The following FKBP9 variants were observed in gnomAD, a reference collection of about 807,000 sequenced individuals.
FKBP9 encodes peptidyl-prolyl cis-trans isomerase FKBP9.
FKBP9 carries 27 observed loss-of-function variants against 55.6 expected under a neutral mutation model. The ratio of observed to expected loss-of-function variants is 0.49; its 90% CI spans 0.36 to 0.67. FKBP9 has a LOEUF of 0.67. FKBP9 is among the 30% of genes least tolerant of loss of function. FKBP9 has a pLI of 0.00. For synonymous variants in FKBP9, 267 were observed against 296.5 expected, an observed-to-expected ratio of 0.90 and a Z score of 1.02; for missense variants, 539 against 742.8, an observed-to-expected ratio of 0.73 and a Z score of 3.19.
intron 7 of FKBP9, among the ~76,000 whole-genome samples, chr7:32,997,481 T>C (rs1784841543): frequency 6.6e-6 from 1 of 152,160 alleles, no homozygotes; most frequent in Non-Finnish European, 1.5e-5. Context: ...CCTCCCAAAG[T>C]GCTGGAGTTA....
intron 4 of FKBP9, chr7:32,979,424 G>C (rs1224021927): frequency 9.4e-7 from 1 of 1,060,296 alleles, no homozygotes; most frequent in African/African-American, 1.6e-5. Context: ...GCATTCCAGG[G>C]GCTGACTCAG....
rs1184092677 is a variant in FKBP9, at chr7:33,006,634, TG to T, written c.*1285del. On this transcript the variant is annotated 3_prime_UTR_variant, in exon 10 of 10. Coordinates refer to ENST00000242209, the MANE Select transcript of FKBP9 (RefSeq NM_007270.5). Reference sequence around the variant, plus strand: ...CTGCCCATTTGTGTCCTGGAGACGGTGGTACCCTGAAGGCAGAGGCCAGCTG... The same window carrying T: ...CTGCCCATTTGTGTCCTGGAGACGGTGTACCCTGAAGGCAGAGGCCAGCTG... 4.7e-6 allele frequency: 1 copy of T among 214,124 alleles called. No homozygotes were observed. Among genetic ancestry groups the T allele is most frequent in the Non-Finnish European group, 9.4e-6 (1 of 105,854 alleles). The allele number at this position is 214,124 out of a possible 1,614,324, so 13.3% of individuals were successfully genotyped here. A position where few individuals can be genotyped will look rare whatever the true frequency, so the allele number is the denominator to read the frequency against.
At chr7:32,984,773 C>A (rs1250034448) in intron 5 of FKBP9, among the ~76,000 whole-genome samples, 1 of 152,180 alleles carries the variant, frequency 6.6e-6, no homozygotes, top group Non-Finnish European at 1.5e-5. Context: ...AAGGATTTAA[C>A]TTTATTTTTT....
chr7:32,974,958 G>A, intron 2 of FKBP9, 196 bp downstream of exon 2: 1 of 642,962 alleles, frequency 1.6e-6, no homozygotes, highest in Non-Finnish European at 2.7e-6. Context: ...CATTAACACA[G>A]ATGTACTGAA....
intron 4 of FKBP9, among the ~76,000 whole-genome samples, chr7:32,977,870 C>CATAT (rs748298046): frequency 0.031 from 3,855 of 124,528 alleles, 105 homozygotes; most frequent in Middle Eastern, 0.058. Flanking sequence ...TATACATGCC[C>CATAT]ATATATATAT....
In FKBP9 at chr7:32,980,220, G is replaced by A; in HGVS notation, c.704-144G>A. ...CAGCCCATGGTTGGACACCATGGGG[G>A]CCCATTCAAGACCTGGAAGAACATT... On this transcript the variant is annotated intron_variant, in intron 4 of 9. Coordinates refer to ENST00000242209, the MANE Select transcript of FKBP9 (RefSeq NM_007270.5). 3 of 652,556 alleles carry A rather than the reference G, an allele frequency of 4.6e-6. No individual in the cohort carries two copies. The South Asian group carries it at 6.7e-5, about 15-fold the overall frequency. 40.4% of individuals were successfully genotyped at this position (652,556 alleles called of 1,614,324 possible).
intron 1 of FKBP9, among the ~76,000 whole-genome samples, chr7:32,970,299 C>T (rs914186172): frequency 1.5e-4 from 23 of 152,140 alleles, no homozygotes; most frequent in Non-Finnish European, 3.1e-4. Context: ...CAAGTTCAAG[C>T]GATTCTCCTG....
At chr7:32,992,542 G>T (rs1314830312) in intron 6 of FKBP9, among the ~76,000 whole-genome samples, 1 of 152,242 alleles carries the variant, frequency 6.6e-6, no homozygotes, top group Non-Finnish European at 1.5e-5. Flanking sequence ...AGAGGAGGTT[G>T]GTGTTGGAGC....
Position 32,957,492 on chromosome 7 carries a change from T to A in FKBP9, c.-82T>A. 9.0e-7 allele frequency: 1 copy of A among 1,107,500 alleles called. No individual in the cohort carries two copies. The highest frequency in any genetic ancestry group is 1.2e-6 in the Non-Finnish European group (1 of 844,146). 68.6% of individuals were successfully genotyped at this position (1,107,500 alleles called of 1,614,324 possible). On this transcript the variant is annotated 5_prime_UTR_variant, in exon 1 of 10. It adds an upstream start codon to the 5' untranslated region. Coordinates refer to ENST00000242209, the MANE Select transcript of FKBP9 (RefSeq NM_007270.5). ...TAGGGCCAGGAGACCCGGTCCACGT[T>A]TGCAAACGCAGCCGAACGCCCAGGC...
chr7:32,974,257 C>G (rs529380541), intron 1 of FKBP9, among the ~76,000 whole-genome samples: 1 of 152,226 alleles, frequency 6.6e-6, no homozygotes, highest in South Asian at 2.1e-4. Context: ...CAACTTAACT[C>G]CTCTTGCCTT....
chr7:33,003,051 A>G, intron 9 of FKBP9: 1 of 540,558 alleles, frequency 1.8e-6, no homozygotes, highest in Middle Eastern at 5.1e-4. Context: ...CCGATTCCCT[A>G]AGAGGTGTAG....
intron 6 of FKBP9, among the ~76,000 whole-genome samples, chr7:32,994,720 A>G (rs1405022129): frequency 2.0e-5 from 3 of 151,906 alleles, no homozygotes; most frequent in African/African-American, 7.2e-5. Flanking sequence ...CAGGATTTTA[A>G]TGAGAATTAA....
Position 32,982,060 on chromosome 7 carries a change from A to G in FKBP9, c.893+1507A>G, listed in dbSNP as rs373451835. ...TTTTGAGGCAGAGTCTCACTCTGTC[A>G]CCCAGGCTGCAGTGCAGTGGCACAA... On this transcript the variant is annotated intron_variant, in intron 5 of 9. Coordinates refer to ENST00000242209, the MANE Select transcript of FKBP9 (RefSeq NM_007270.5). Among the ~76,000 whole-genome samples, 1,015 of 143,466 alleles carry G rather than the reference A, an allele frequency of 7.1e-3. 11 individuals carry two copies. Among genetic ancestry groups the G allele is most frequent in the African/African-American group, 0.026 (973 of 37,762 alleles). 94.1% of individuals were successfully genotyped at this position (143,466 alleles called of 152,430 possible).
At chr7:32,977,804 T>A (rs1036905439) in intron 4 of FKBP9, among the ~76,000 whole-genome samples, 3 of 133,172 alleles carry the variant, frequency 2.3e-5, no homozygotes, top group Non-Finnish European at 4.6e-5. Flanking sequence ...TATATATACT[T>A]ATATATATAT....
In FKBP9 at chr7:32,980,497, C is replaced by G; in HGVS notation, c.837C>G (p.Asp279Glu). 6.2e-7 allele frequency: 1 copy of G among 1,613,878 alleles called. No individual in the cohort carries two copies. Among genetic ancestry groups the G allele is most frequent in the South Asian group, 1.1e-5 (1 of 91,058 alleles). ...ENCERISQSG[D>E]FLRYHYNGTL... The stretch of plus-strand genomic sequence containing the variant: ...GTGAGCGGATAAGTCAAAGTGGGGA[C>G]TTTCTCAGGTATCATTACAATGGCA... The change falls in exon 5 of 10, where the codon GAC (aspartate) becomes GAG (glutamate). Residue 279 changes from aspartate to glutamate, a missense_variant. Physicochemically the swap from Asp to Glu is conservative, Grantham distance 45 (BLOSUM62 2). Transcript: ENST00000242209.
rs1476177114 is a variant in FKBP9 at position 33,005,500 on chromosome 7, G to A, written c.*149G>A. 2.9e-5 allele frequency: 23 copies of A among 789,696 alleles called. No individual in the cohort carries two copies. Among genetic ancestry groups the A allele is most frequent in the Non-Finnish European group, 4.6e-5 (23 of 495,262 alleles). The allele number at this position is 789,696 out of a possible 1,614,324, so 48.9% of individuals were successfully genotyped here. A position where few individuals can be genotyped will look rare whatever the true frequency, so the allele number is the denominator to read the frequency against. ...CATAGTACCTGGTGTACACATCGGG[G>A]TGGGTTGATATATGGGGTGAGAAGT... On this transcript the variant is annotated 3_prime_UTR_variant, in exon 10 of 10. Coordinates refer to ENST00000242209, the MANE Select transcript of FKBP9 (RefSeq NM_007270.5).
Position 32,996,157 on chromosome 7 carries a change from C to CTAAA in FKBP9, c.1040-5_1040-4insAAAT, listed in dbSNP as rs759004203. On this transcript the variant is annotated splice_polypyrimidine_tract_variant and splice_region_variant and intron_variant, in intron 6 of 9. Coordinates refer to ENST00000242209, the MANE Select transcript of FKBP9 (RefSeq NM_007270.5). The stretch of plus-strand genomic sequence containing the variant: ...CATTCATTAATTCCCCGTGTCTGTC[C>CTAAA]TTTAGGGAATATCCCCGGCTCGGCT... The CTAAA allele has an allele frequency of 1.9e-6, 3 of 1,613,768 alleles. No homozygotes were observed.
chr7:32,995,239 A>G (rs1368466816), intron 6 of FKBP9: 2 of 152,248 alleles, frequency 1.3e-5, no homozygotes, highest in African/African-American at 4.8e-5. Context: ...GATTATAGGC[A>G]TGAGCCACCA....
rs185354328 is a variant in FKBP9 at position 32,989,887 on chromosome 7, A to G, written c.1039+1235A>G. Reference sequence around the variant, plus strand: ...GAGTGCAGTGGTAAGATAAGCTCCTAACTCACTGCAGCCTCCAGCTTCTGT... The same window carrying G: ...GAGTGCAGTGGTAAGATAAGCTCCTGACTCACTGCAGCCTCCAGCTTCTGT... On this transcript the variant is annotated intron_variant, in intron 6 of 9. Coordinates refer to ENST00000242209, the MANE Select transcript of FKBP9 (RefSeq NM_007270.5). Among the ~76,000 whole-genome samples, 58 of 152,274 alleles carry G rather than the reference A, an allele frequency of 3.8e-4. No homozygotes were observed. In the East Asian group the frequency reaches 0.01, roughly 27 times the overall value.
Sources: allele counts gnomAD v4.1 joint callset (sites outside exome capture counted in the v4.1 genomes callset), GRCh38; gene constraint gnomAD v4.1.1; transcripts MANE v1.5; gene names NCBI Gene and HGNC (gene_info 2026-07-23, HGNC 2026-07-21).